The following GPM6B variants were observed in gnomAD, a reference collection of about 807,000 sequenced individuals.
GPM6B encodes neuronal membrane glycoprotein M6-b.
A neutral mutation model predicts 27.2 loss-of-function variants in GPM6B; 4 were observed. The ratio of observed to expected loss-of-function variants is 0.15; its 90% confidence interval spans 0.07 to 0.34. The LOEUF is 0.34. Ranked by LOEUF, GPM6B falls within the 10% of genes least tolerant of loss-of-function variation. The pLI, the probability that GPM6B is intolerant of heterozygous loss-of-function variation, is 1.00. For synonymous variants in GPM6B, 124 were observed against 103.1 expected (o/e 1.20, Z -1.23); for missense variants, 183 against 261.9 (o/e 0.70, Z 2.08).
intron 1 of GPM6B, among the ~76,000 whole-genome samples, chrX:13,831,226 A>AC (rs3083081): frequency 7.7e-5 from 8 of 104,426 alleles, no homozygotes; most frequent in African/African-American, 1.4e-4. Flanking sequence ...ACACACACAC[A>AC]AATGGCTTGG....
chrX:13,889,726 G>A (rs1309055506), intron 1 of GPM6B: 1 of 103,852 alleles, frequency 9.6e-6, no homozygotes, highest in Admixed American at 1.1e-4. Context: ...ACAAAGTTAT[G>A]TAACTCTCAC....
intron 1 of GPM6B, among the ~76,000 whole-genome samples, chrX:13,897,451 C>A (rs962901124): frequency 1.2e-4 from 13 of 111,909 alleles, no homozygotes; most frequent in African/African-American, 3.9e-4. Context: ...ACTTTTATCT[C>A]TTGCTACTGT....
intron 3 of GPM6B, 59 bp downstream of exon 3, chrX:13,785,563 C>T (rs2048594554): frequency 3.7e-6 from 4 of 1,082,010 alleles, no homozygotes; most frequent in Non-Finnish European, 5.1e-6. Context: ...GCTGGGATGA[C>T]AGGCATGAGC....
chrX:13,935,268 G>T (rs1921770654), intron 1 of GPM6B, among the ~76,000 whole-genome samples: 1 of 105,178 alleles, frequency 9.5e-6, no homozygotes, highest in African/African-American at 3.5e-5. Context: ...GGAAGCAGAG[G>T]AGGGAGGATC....
chrX:13,773,932 A>G, intron 7 of GPM6B: 1 of 727,608 alleles, frequency 1.4e-6, no homozygotes. Context: ...TACCAAAAAA[A>G]AAACTACCCA....
chrX:13,787,251 G>A (rs769183482), intron 2 of GPM6B, among the ~76,000 whole-genome samples: 8 of 111,024 alleles, frequency 7.2e-5, no homozygotes, highest in Admixed American at 2.9e-4. Context: ...AAAATATCAG[G>A]GCTTCATAAG....
chrX:13,863,973 C>A (rs866818592), intron 1 of GPM6B, among the ~76,000 whole-genome samples: 4 of 112,271 alleles, frequency 3.6e-5, no homozygotes, highest in Non-Finnish European at 7.5e-5. Context: ...TTTATGATAT[C>A]TTATTATATT....
chrX:13,898,564 T>G (rs2050253280), intron 1 of GPM6B, among the ~76,000 whole-genome samples: 1 of 112,366 alleles, frequency 8.9e-6, no homozygotes, highest in African/African-American at 3.2e-5. Context: ...CACATTAAAG[T>G]GTGAGCAGCA....
At chrX:13,851,379 C>A (rs994312453) in intron 1 of GPM6B, among the ~76,000 whole-genome samples, 10 of 110,467 alleles carry the variant, frequency 9.1e-5, no homozygotes, top group African/African-American at 3.3e-4. Flanking sequence ...ATGATCATAT[C>A]AATCCCTGAA....
At chrX:13,859,679 T>C (rs1302135754) in intron 1 of GPM6B, among the ~76,000 whole-genome samples, 1 of 110,189 alleles carries the variant, frequency 9.1e-6, no homozygotes, top group East Asian at 2.8e-4. Context: ...AAAAAAAAAG[T>C]GAAGTTGCAC....
chrX:13,917,425 G>A (rs778354376), intron 1 of GPM6B, among the ~76,000 whole-genome samples: 5 of 112,337 alleles, frequency 4.5e-5, no homozygotes, highest in Non-Finnish European at 7.5e-5. Context: ...GTCACTGGAC[G>A]TGAGCAAATT....
intron 1 of GPM6B, among the ~76,000 whole-genome samples, chrX:13,848,338 A>G (rs953690795): frequency 9.0e-6 from 1 of 111,266 alleles, no homozygotes; most frequent in Non-Finnish European, 1.9e-5. Context: ...ACAGGTGTTT[A>G]CCCTGAAAGC....
chrX:13,850,897 C>T (rs28435433), intron 1 of GPM6B, among the ~76,000 whole-genome samples: 5,280 of 111,098 alleles, frequency 0.048, 326 homozygotes, highest in African/African-American at 0.16. Context: ...GGCATGGGGG[C>T]TCGTGCCTGT....
chrX:13,817,541 T>C (rs577830409), upstream of GPM6B, among the ~76,000 whole-genome samples: 33 of 112,586 alleles, frequency 2.9e-4, no homozygotes, highest in South Asian at 0.012. Flanking sequence ...GTGTGGTCCA[T>C]TTATGATGTA....
chrX:13,917,344 C>T, intron 1 of GPM6B, among the ~76,000 whole-genome samples: 1 of 112,613 alleles, frequency 8.9e-6, no homozygotes, highest in South Asian at 3.7e-4. Context: ...AGAGCAATAA[C>T]CTTCTGTTAG....
chrX:13,841,794 T>G (rs1569251545), intron 1 of GPM6B, among the ~76,000 whole-genome samples: 1 of 111,813 alleles, frequency 8.9e-6, no homozygotes, highest in African/African-American at 3.3e-5. Flanking sequence ...ATAGATGGGC[T>G]GGCTATCACC....
chrX:13,905,521 CA>C (rs1418098806), intron 1 of GPM6B, among the ~76,000 whole-genome samples: 1 of 111,616 alleles, frequency 9.0e-6, no homozygotes, highest in African/African-American at 3.3e-5. Flanking sequence ...GTAAATATTG[CA>C]CATACGTAGG....
rs1051686719 is a variant in GPM6B at position 13,771,949 on chromosome X, T to G, written c.*932A>C. 8.9e-6 allele frequency: 1 copy of G among 112,651 alleles called. No individual in the cohort carries two copies. The highest frequency in any genetic ancestry group is 1.9e-5 in the Non-Finnish European group (1 of 53,260). 9.3% of individuals were successfully genotyped at this position (112,651 alleles called of 1,213,427 possible). A position where few individuals can be genotyped will look rare whatever the true frequency, so the allele number is the denominator to read the frequency against. On this transcript the variant is annotated 3_prime_UTR_variant, in exon 8 of 8. Coordinates refer to ENST00000316715, the MANE Select transcript of GPM6B (RefSeq NM_001001995.3). Reference sequence around the variant, plus strand: ...AGGTTTTAGATAGTTGGTATGAAACTGTAAACTTCGTATCCAGACCACTGA... The same window carrying G: ...AGGTTTTAGATAGTTGGTATGAAACGGTAAACTTCGTATCCAGACCACTGA...
chrX:13,810,683 A>G (rs1054460111), intron 1 of GPM6B, among the ~76,000 whole-genome samples: 3 of 108,743 alleles, frequency 2.8e-5, no homozygotes, highest in Non-Finnish European at 5.7e-5. Flanking sequence ...GGACTGCTCA[A>G]TGTTAACGTG....
Sources: allele counts gnomAD v4.1 joint callset (sites outside exome capture counted in the v4.1 genomes callset), GRCh38; gene constraint gnomAD v4.1.1; transcripts MANE v1.5; gene names NCBI Gene and HGNC (gene_info 2026-07-23, HGNC 2026-07-21).